Variants in ATRNL1 observed in about 807,000 individuals in gnomAD.
ATRNL1 encodes attractin-like protein 1.
Under a neutral mutation model 182.7 loss-of-function variants are expected in ATRNL1, and 95 were observed. The observed-to-expected ratio is 0.52, with a 90% CI of 0.44 to 0.62. The LOEUF (loss-of-function observed/expected upper bound fraction) is 0.62, where lower values mean the gene tolerates loss of function less well. Ranked by LOEUF, ATRNL1 falls within the 20% of genes least tolerant of loss-of-function variation. ATRNL1 has a pLI of 0.00. For synonymous variants in ATRNL1, 576 were observed against 568.3 expected, an observed-to-expected ratio of 1.01 and a Z score of -0.19; for missense variants, 1,471 against 1,679.5, an observed-to-expected ratio of 0.88 and a Z score of 2.17.
intron 19 of ATRNL1, among the ~76,000 whole-genome samples, chr10:115,377,067 T>C (rs1471831578): frequency 6.6e-6 from 1 of 152,162 alleles, no homozygotes; most frequent in African/African-American, 2.4e-5. Context: ...GTTCTTTTTA[T>C]TGTTTACATT....
intron 26 of ATRNL1, among the ~76,000 whole-genome samples, chr10:115,635,375 G>C (rs1274079964): frequency 6.7e-6 from 1 of 149,732 alleles, no homozygotes; most frequent in Non-Finnish European, 1.5e-5. Flanking sequence ...CACCCAATAG[G>C]CATATGTAAA....
At chr10:115,504,240 T>C (rs1849995890) in intron 24 of ATRNL1, among the ~76,000 whole-genome samples, 1 of 152,098 alleles carries the variant, frequency 6.6e-6, no homozygotes, top group East Asian at 1.9e-4. Flanking sequence ...CATTGCAAAA[T>C]TGTACCTGAG....
At chr10:115,797,092 CT>C (rs1949671802) in intron 27 of ATRNL1, among the ~76,000 whole-genome samples, 1 of 152,084 alleles carries the variant, frequency 6.6e-6, no homozygotes, top group Admixed American at 6.5e-5. Context: ...AGGCTTTATT[CT>C]AAAATATAGG....
At chr10:115,104,407 C>T (rs1843911628) in intron 1 of ATRNL1, among the ~76,000 whole-genome samples, 2 of 151,952 alleles carry the variant, frequency 1.3e-5, no homozygotes, top group South Asian at 4.1e-4. Flanking sequence ...TTTTTTCTTA[C>T]AGCATTGTTT....
chr10:115,437,084 G>C (rs960442228), intron 21 of ATRNL1, among the ~76,000 whole-genome samples: 4 of 151,968 alleles, frequency 2.6e-5, no homozygotes, highest in Admixed American at 6.6e-5. Flanking sequence ...GAAATGACTT[G>C]ATAAGATGTG....
At chr10:115,891,942 C>T (rs926723538) in intron 28 of ATRNL1, among the ~76,000 whole-genome samples, 11 of 152,198 alleles carry the variant, frequency 7.2e-5, no homozygotes, top group Admixed American at 2.0e-4. Context: ...ATGTGCAGTA[C>T]GGATGCTCAC....
At chr10:115,615,900 A>G (rs1857403131) in intron 26 of ATRNL1, among the ~76,000 whole-genome samples, 1 of 152,164 alleles carries the variant, frequency 6.6e-6, no homozygotes, top group African/African-American at 2.4e-5. Context: ...ATGGACTAAT[A>G]TAGAAAATTG....
chr10:115,176,665 G>A (rs969076606), intron 8 of ATRNL1, among the ~76,000 whole-genome samples: 1 of 152,106 alleles, frequency 6.6e-6, no homozygotes, highest in Non-Finnish European at 1.5e-5. Flanking sequence ...GTAGTAGATT[G>A]TGAAGCAGGT....
At chr10:115,124,752 T>C (rs1844891229) in intron 3 of ATRNL1, among the ~76,000 whole-genome samples, 1 of 152,130 alleles carries the variant, frequency 6.6e-6, no homozygotes, top group Non-Finnish European at 1.5e-5. Flanking sequence ...TTTTCAGGGC[T>C]CACCATGAAT....
intron 27 of ATRNL1, among the ~76,000 whole-genome samples, chr10:115,781,658 T>G (rs1593208114): frequency 6.6e-6 from 1 of 152,170 alleles, no homozygotes; most frequent in East Asian, 1.9e-4. Context: ...CTTGGGAATG[T>G]GGAGGAAGTG....
intron 26 of ATRNL1, among the ~76,000 whole-genome samples, chr10:115,617,591 C>T (rs1857507170): frequency 6.6e-6 from 1 of 152,132 alleles, no homozygotes; most frequent in African/African-American, 2.4e-5. Flanking sequence ...ATTTCCTCAT[C>T]TCATGATCCA....
At chr10:115,189,554 A>T (rs1229753602) in intron 8 of ATRNL1, among the ~76,000 whole-genome samples, 1 of 152,088 alleles carries the variant, frequency 6.6e-6, no homozygotes. Context: ...TTAGCAAAAA[A>T]TTTTAAAAAA....
At chr10:115,528,029 CCTT>C (rs1851343547) in intron 25 of ATRNL1, among the ~76,000 whole-genome samples, 1 of 56,174 alleles carries the variant, frequency 1.8e-5, no homozygotes, top group Non-Finnish European at 3.5e-5. Flanking sequence ...TTCCTTCCCT[CCTT>C]CCTTTCTTCC....
chr10:115,900,753 A>G (rs1361854028), intron 28 of ATRNL1, among the ~76,000 whole-genome samples: 1 of 152,212 alleles, frequency 6.6e-6, no homozygotes, highest in Non-Finnish European at 1.5e-5. Flanking sequence ...TCACTCCAAC[A>G]TGACGTTATA....
intron 8 of ATRNL1, among the ~76,000 whole-genome samples, chr10:115,176,056 G>A (rs539014846): frequency 4.6e-5 from 7 of 152,196 alleles, no homozygotes; most frequent in African/African-American, 1.7e-4. Context: ...TTCTCTGATG[G>A]CCAGTGATGA....
At chr10:115,288,753 C>A (rs1554919954) in intron 15 of ATRNL1, among the ~76,000 whole-genome samples, 1 of 152,086 alleles carries the variant, frequency 6.6e-6, no homozygotes, top group Non-Finnish European at 1.5e-5. Context: ...AACTCCTGAC[C>A]TCAGGTAATC....
intron 13 of ATRNL1, among the ~76,000 whole-genome samples, chr10:115,279,585 T>C (rs940882966): frequency 6.6e-6 from 1 of 152,202 alleles, no homozygotes; most frequent in Admixed American, 6.5e-5. Context: ...GATGGGCAAC[T>C]GTAGCCAATT....
At chr10:115,823,307 C>A (rs1409636565) in intron 27 of ATRNL1, among the ~76,000 whole-genome samples, 1 of 152,000 alleles carries the variant, frequency 6.6e-6, no homozygotes, top group Non-Finnish European at 1.5e-5. Context: ...TATGACAGAC[C>A]CACAGCCAAT....
chr10:115,495,488 A>C (rs1430683237), intron 24 of ATRNL1, among the ~76,000 whole-genome samples: 2 of 152,032 alleles, frequency 1.3e-5, no homozygotes, highest in Non-Finnish European at 2.9e-5. Context: ...CACTGCTTTA[A>C]CTGTGCTCCA....
Sources: allele counts gnomAD v4.1 joint callset (sites outside exome capture counted in the v4.1 genomes callset), GRCh38; gene constraint gnomAD v4.1.1; transcripts MANE v1.5; gene names NCBI Gene and HGNC (gene_info 2026-07-23, HGNC 2026-07-21).